BABAM2: variants seen among roughly 807,000 people sequenced by gnomAD.
BABAM2 encodes BRISC and BRCA1 A complex member 2.
BABAM2 carries 31 observed loss-of-function variants against 54.7 expected under a neutral mutation model. The observed-to-expected ratio is 0.57, with a 90% confidence interval of 0.43 to 0.77. The LOEUF (loss-of-function observed/expected upper bound fraction) is 0.77, where lower values mean the gene tolerates loss of function less well. Ranked by LOEUF, BABAM2 falls within the 30% of genes least tolerant of loss-of-function variation. The pLI is 0.00. For synonymous variants in BABAM2, 167 were observed against 162.9 expected, an observed-to-expected ratio of 1.03 and a Z score of -0.19; for missense variants, 364 against 455.8, an observed-to-expected ratio of 0.80 and a Z score of 1.83.
At chr2:28,301,926 T>C (rs1688137156) in intron 11 of BABAM2, among the ~76,000 whole-genome samples, 1 of 152,242 alleles carries the variant, frequency 6.6e-6, no homozygotes, top group African/African-American at 2.4e-5. Flanking sequence ...AGTATATCTT[T>C]TGACAAGTTT....
intron 7 of BABAM2, among the ~76,000 whole-genome samples, chr2:28,164,532 C>A (rs1673438540): frequency 6.7e-6 from 1 of 149,906 alleles, no homozygotes; most frequent in Admixed American, 6.7e-5. Flanking sequence ...TTGTCCAATG[C>A]ATTAAAAAAA....
At chr2:28,192,392 A>G (rs1429262713) in intron 7 of BABAM2, among the ~76,000 whole-genome samples, 1 of 152,076 alleles carries the variant, frequency 6.6e-6, no homozygotes, top group African/African-American at 2.4e-5. Context: ...ACATTTATAC[A>G]TACGTAAAAA....
At position 28,304,503 on chromosome 2, in the gene BABAM2, C is replaced by T. The variant is rs1688359001; in HGVS notation, c.1088+6012C>T. ...AAATGATTTTTCTATACTGACATGG[C>T]ATCCTGTGACATTGCTAAATTCACT... On this transcript the variant is annotated intron_variant, in intron 11 of 11. Transcript: ENST00000379624. This position sits in a 1 kb window ranked among gnomAD's most constrained non-coding sequence, Gnocchi z 4.0. Among the ~76,000 whole-genome samples, 1 of 151,676 alleles carries T rather than the reference C, an allele frequency of 6.6e-6. No homozygotes were observed. The highest frequency in any genetic ancestry group is 2.4e-5 in the African/African-American group (1 of 41,372).
chr2:27,977,091 A>G (rs1671659763), intron 3 of BABAM2, among the ~76,000 whole-genome samples: 1 of 152,196 alleles, frequency 6.6e-6, no homozygotes, highest in African/African-American at 2.4e-5. Flanking sequence ...CAAGATGAAA[A>G]GAATGCTGTG....
intron 10 of BABAM2, among the ~76,000 whole-genome samples, chr2:28,278,342 A>G (rs572460426): frequency 6.6e-6 from 1 of 152,290 alleles, no homozygotes; most frequent in East Asian, 1.9e-4. Context: ...AGGAAAGATA[A>G]TATGAGGTAC....
intron 7 of BABAM2, among the ~76,000 whole-genome samples, chr2:28,230,476 G>A (rs1681273275): frequency 6.6e-6 from 1 of 151,782 alleles, no homozygotes; most frequent in Non-Finnish European, 1.5e-5. Context: ...AGCACTTTGG[G>A]AGGCCAAGGC....
In BABAM2 at chr2:28,090,443, C is replaced by T. The variant is rs78092522; in HGVS notation, c.571-38828C>T. Among the ~76,000 whole-genome samples the T allele has an allele frequency of 4.0e-3, 616 of 152,110 alleles. 4 individuals carry two copies. The highest frequency in any genetic ancestry group is 0.014 in the African/African-American group (571 of 41,484). ...TATTTTTAGTAGAGATGGGTTTCAC[C>T]GTGTTGGCCAGGATAGTCTCCAACT... On this transcript the variant is annotated intron_variant, in intron 6 of 11. Coordinates refer to ENST00000379624, the MANE Select transcript of BABAM2 (RefSeq NM_199191.3).
intron 2 of BABAM2, among the ~76,000 whole-genome samples, chr2:27,927,893 G>C (rs1667828285): frequency 6.6e-6 from 1 of 150,794 alleles, no homozygotes; most frequent in South Asian, 2.1e-4. Flanking sequence ...ACCCAGGCTG[G>C]AGCAAAGTGG....
At chr2:28,026,727 T>TTATATAAATATATATTTA (rs1302339505) in intron 5 of BABAM2, among the ~76,000 whole-genome samples, 3 of 115,978 alleles carry the variant, frequency 2.6e-5, no homozygotes, top group African/African-American at 3.5e-5. Context: ...AACTTAAATT[T>TTATATAAATATATATTTA]TATATAAATA....
At chr2:27,978,274 G>T (rs1671741119) in intron 3 of BABAM2, among the ~76,000 whole-genome samples, 1 of 152,134 alleles carries the variant, frequency 6.6e-6, no homozygotes, top group South Asian at 2.1e-4. Context: ...ATCTTGTGAT[G>T]TGCCTGCTCT....
intron 7 of BABAM2, among the ~76,000 whole-genome samples, chr2:28,199,342 C>G (rs1289619801): frequency 6.6e-6 from 1 of 152,188 alleles, no homozygotes; most frequent in African/African-American, 2.4e-5. Context: ...CAGGTAAGTG[C>G]CACCTAGCCC....
At chr2:27,910,348 A>G (rs1259475185) in intron 2 of BABAM2, among the ~76,000 whole-genome samples, 1 of 150,946 alleles carries the variant, frequency 6.6e-6, no homozygotes, top group Non-Finnish European at 1.5e-5. Flanking sequence ...AAAAAAGGTT[A>G]GTTGTTGCTA....
chr2:28,237,819 G>T (rs1682051997), intron 8 of BABAM2, among the ~76,000 whole-genome samples: 1 of 152,118 alleles, frequency 6.6e-6, no homozygotes, highest in Non-Finnish European at 1.5e-5. Context: ...AGAGTCCTGT[G>T]CCTAGGGGTA....
At chr2:27,903,849 T>C (rs903164156) in intron 2 of BABAM2, among the ~76,000 whole-genome samples, 5 of 152,224 alleles carry the variant, frequency 3.3e-5, no homozygotes, top group African/African-American at 1.2e-4. Flanking sequence ...CTTAGCAACA[T>C]CAGCATATTT....
chr2:28,064,216 T>A (rs1177250698), intron 6 of BABAM2, among the ~76,000 whole-genome samples: 1 of 152,212 alleles, frequency 6.6e-6, no homozygotes, highest in Non-Finnish European at 1.5e-5. Context: ...AAAAGTGACA[T>A]TAGCAAGTTA....
intron 6 of BABAM2, among the ~76,000 whole-genome samples, chr2:28,106,508 C>G (rs1484899261): frequency 6.6e-6 from 1 of 152,178 alleles, no homozygotes; most frequent in East Asian, 1.9e-4. Context: ...AGATTATAGG[C>G]CAGTTATGTT....
At chr2:28,056,783 A>G (rs898221108) in intron 6 of BABAM2, among the ~76,000 whole-genome samples, 6 of 152,220 alleles carry the variant, frequency 3.9e-5, no homozygotes, top group Admixed American at 1.3e-4. Flanking sequence ...ACTAATACAT[A>G]TGAACATAGC....
At chr2:28,120,105 A>G (rs1668939874) in intron 6 of BABAM2, among the ~76,000 whole-genome samples, 1 of 152,224 alleles carries the variant, frequency 6.6e-6, no homozygotes, top group Admixed American at 6.5e-5. Flanking sequence ...AGTGACTTCT[A>G]TAGCCTTTAG....
At chr2:28,079,503 T>C (rs1337519260) in intron 6 of BABAM2, among the ~76,000 whole-genome samples, 2 of 152,184 alleles carry the variant, frequency 1.3e-5, no homozygotes, top group African/African-American at 4.8e-5. Context: ...TATTAGTAAA[T>C]ATAGCTTACT....
Sources: allele counts gnomAD v4.1 joint callset (sites outside exome capture counted in the v4.1 genomes callset), GRCh38; gene constraint gnomAD v4.1.1; non-coding constraint Gnocchi (gnomAD v3.1); transcripts MANE v1.5; gene names NCBI Gene and HGNC (gene_info 2026-07-23, HGNC 2026-07-21).